Variants in FGF14 observed in about 807,000 individuals in gnomAD.
The protein encoded by FGF14 is fibroblast growth factor 14.
A neutral mutation model predicts 25.5 loss-of-function variants in FGF14; 5 were observed. The observed-to-expected ratio is 0.20, with a 90% CI of 0.10 to 0.41. The LOEUF is 0.41. FGF14 is among the 10% of genes least tolerant of loss of function. The pLI is 1.00. For missense variants in FGF14, 222 were observed against 320.1 expected, an observed-to-expected ratio of 0.69 and a Z score of 2.34; for synonymous variants, 138 against 118.3, an observed-to-expected ratio of 1.17 and a Z score of -1.08.
At position 102,260,806 on chromosome 13, in the gene FGF14, T is replaced by C. The variant is rs1308847026; in HGVS notation, c.208+140665A>G. 2.6e-5 allele frequency among the ~76,000 whole-genome samples: 4 copies of C among 152,240 alleles called. No individual in the cohort carries two copies. The East Asian group carries it at 7.7e-4, about 29-fold the overall frequency. Reference sequence around the variant, plus strand: ...ACTCTCACCTCCCTCTTGTGAGACATCCTGTTTCCGTGCTTAAAGTGTTCT... The same window carrying C: ...ACTCTCACCTCCCTCTTGTGAGACACCCTGTTTCCGTGCTTAAAGTGTTCT... On this transcript the variant is annotated intron_variant, in intron 1 of 4. Transcript: ENST00000376131.
At chr13:102,070,954 A>G (rs1595173314) in intron 1 of FGF14, among the ~76,000 whole-genome samples, 1 of 96,132 alleles carries the variant, frequency 1.0e-5, no homozygotes, top group Non-Finnish European at 1.8e-5. Flanking sequence ...AAAACAAAAC[A>G]AAACACACAC....
chr13:102,118,391 C>CAAATT (rs2045569168), intron 1 of FGF14, among the ~76,000 whole-genome samples: 1 of 151,438 alleles, frequency 6.6e-6, no homozygotes, highest in South Asian at 2.1e-4. Flanking sequence ...TAAACTTTGA[C>CAAATT]AACGGACCAA....
chr13:102,048,807 T>C (rs2042100520), intron 1 of FGF14, among the ~76,000 whole-genome samples: 1 of 152,188 alleles, frequency 6.6e-6, no homozygotes. Flanking sequence ...CTCAGGCACA[T>C]TCCTTATGTT....
At chr13:101,869,923 G>A (rs540686741) in intron 2 of FGF14, among the ~76,000 whole-genome samples, 27 of 152,076 alleles carry the variant, frequency 1.8e-4, no homozygotes, top group African/African-American at 5.6e-4. Context: ...CCTCCTAATA[G>A]GTTGAAGAAA....
In FGF14 at chr13:102,161,570, AAAG is replaced by A. The variant is rs1555369389; in HGVS notation, c.208+239898_208+239900del. On this transcript the variant is annotated intron_variant, in intron 1 of 4. Transcript: ENST00000376131. Reference sequence around the variant, plus strand: ...TCTATGCAACCAACTTTCTGTGAAGAAAGAAAGAAGAAGAAGAAGAAGAAGAAG... The same window carrying A: ...TCTATGCAACCAACTTTCTGTGAAGAAAAGAAGAAGAAGAAGAAGAAGAAG... Among the ~76,000 whole-genome samples the A allele has an allele frequency of 4.6e-3, 26 of 5,656 alleles. 6 individuals are homozygous for A. The highest frequency in any genetic ancestry group is 0.023 in the South Asian group (3 of 128). The allele number at this position is 5,656 out of a possible 152,430, so 3.7% of individuals were successfully genotyped here. A position where few individuals can be genotyped will look rare whatever the true frequency, so the allele number is the denominator to read the frequency against.
rs533686392 is a variant in FGF14, at chr13:101,814,203, A to T, written c.408+54522T>A. On this transcript the variant is annotated intron_variant, in intron 3 of 4. Transcript: ENST00000376143. ...GCAGAATCTCAGTTCCCATCCCACA[A>T]CTACTGAATCAGAATCCCATTTTAA... Among the ~76,000 whole-genome samples, 35 of 152,260 alleles carry T rather than the reference A, an allele frequency of 2.3e-4. No homozygotes were observed. The South Asian group carries it at 5.2e-3, about 23-fold the overall frequency.
intron 1 of FGF14, among the ~76,000 whole-genome samples, chr13:102,094,305 A>G (rs553277732): frequency 6.6e-6 from 1 of 152,376 alleles, no homozygotes; most frequent in East Asian, 1.9e-4. Flanking sequence ...CTAAAGCTGA[A>G]GAACTTAATA....
intron 1 of FGF14, chr13:102,300,070 A>G: frequency 6.6e-6 from 1 of 152,178 alleles, no homozygotes; most frequent in East Asian, 1.9e-4. Flanking sequence ...TTTAAAATAC[A>G]CTTCTAGTTT....
At chr13:102,388,741 C>T (rs1179484331) in intron 1 of FGF14, among the ~76,000 whole-genome samples, 1 of 151,854 alleles carries the variant, frequency 6.6e-6, no homozygotes, top group African/African-American at 2.4e-5. Context: ...TACAAAAATC[C>T]CTCCTTCCTC....
intron 3 of FGF14, among the ~76,000 whole-genome samples, chr13:101,799,431 A>G (rs2040742460): frequency 6.6e-6 from 1 of 152,106 alleles, no homozygotes; most frequent in Admixed American, 6.6e-5. Flanking sequence ...CAAGCAGTGT[A>G]GGCAAGTGCC....
At chr13:101,958,640 A>G (rs182444614) in intron 1 of FGF14, among the ~76,000 whole-genome samples, 4 of 152,340 alleles carry the variant, frequency 2.6e-5, no homozygotes, top group Admixed American at 2.6e-4. Context: ...TACTACTATA[A>G]GTCTTGACAG....
chr13:101,729,096 CA>C (rs1178792333), intron 3 of FGF14, among the ~76,000 whole-genome samples: 1 of 151,930 alleles, frequency 6.6e-6, no homozygotes, highest in Non-Finnish European at 1.5e-5. Flanking sequence ...CATAGGACTC[CA>C]AAGAAGTCAA....
chr13:101,988,024 A>C (rs1456919183), intron 1 of FGF14, among the ~76,000 whole-genome samples: 2 of 152,104 alleles, frequency 1.3e-5, no homozygotes, highest in East Asian at 3.9e-4. Context: ...TATTTCTTGC[A>C]TAAGAAGCCA....
intron 3 of FGF14, among the ~76,000 whole-genome samples, chr13:101,817,907 G>T (rs1171721380): frequency 2.6e-5 from 4 of 152,228 alleles, no homozygotes; most frequent in Non-Finnish European, 5.9e-5. Flanking sequence ...AATAGAGATT[G>T]TAAAAATATT....
chr13:101,743,421 T>A (rs1426163662), intron 3 of FGF14, among the ~76,000 whole-genome samples: 1 of 152,174 alleles, frequency 6.6e-6, no homozygotes, highest in Non-Finnish European at 1.5e-5. Flanking sequence ...TAAGGCTTTT[T>A]AATTAATTAA....
intron 1 of FGF14, among the ~76,000 whole-genome samples, chr13:102,210,904 G>A (rs904351825): frequency 3.3e-5 from 5 of 152,122 alleles, no homozygotes; most frequent in Admixed American, 2.0e-4. Flanking sequence ...CAATTGTAGC[G>A]TAAGCCGAAT....
intron 3 of FGF14, among the ~76,000 whole-genome samples, chr13:101,837,801 A>G (rs2042999761): frequency 6.6e-6 from 1 of 152,104 alleles, no homozygotes; most frequent in Admixed American, 6.6e-5. Context: ...TGAAGGATGC[A>G]AAGTAGTGCT....
chr13:102,297,686 G>A (rs560928949), intron 1 of FGF14, among the ~76,000 whole-genome samples: 1 of 150,742 alleles, frequency 6.6e-6, no homozygotes, highest in South Asian at 2.1e-4. Flanking sequence ...AGGAGTTTGA[G>A]ACCAGTCTGG....
At chr13:101,778,896 TA>T (rs2039313631) in intron 3 of FGF14, 1 of 151,676 alleles carries the variant, frequency 6.6e-6, no homozygotes, top group South Asian at 2.1e-4. Context: ...GGAGAGAGCA[TA>T]ACACAGCCCC....
Sources: allele counts gnomAD v4.1 joint callset (sites outside exome capture counted in the v4.1 genomes callset), GRCh38; gene constraint gnomAD v4.1.1; transcripts MANE v1.5; gene names NCBI Gene and HGNC (gene_info 2026-07-23, HGNC 2026-07-21).